The following RAD51B variants were observed in gnomAD, a reference collection of about 807,000 sequenced individuals.
RAD51B encodes the protein RAD51 paralog B.
In RAD51B, 38 loss-of-function variants were observed where a neutral mutation model predicts 42.2. The observed-to-expected ratio is 0.90, with a 90% CI of 0.70 to 1.18. The LOEUF is 1.18. Among genes scored for constraint, RAD51B ranks in the 50% most tolerant of loss-of-function variants. The pLI, the probability that RAD51B is intolerant of heterozygous loss-of-function variation, is 0.00. For synonymous variants in RAD51B, 154 were observed against 145.2 expected (o/e 1.06, Z -0.43); for missense variants, 373 against 400.7 (o/e 0.93, Z 0.59).
chr14:67,835,565 A>G (rs1322967164), intron 4 of RAD51B, among the ~76,000 whole-genome samples: 2 of 138,102 alleles, frequency 1.4e-5, no homozygotes, highest in African/African-American at 2.6e-5. Flanking sequence ...TATGTAATAT[A>G]TACACATATG....
chr14:68,570,779 G>A (rs887156608), intron 10 of RAD51B, among the ~76,000 whole-genome samples: 15 of 152,106 alleles, frequency 9.9e-5, no homozygotes, highest in South Asian at 2.1e-4. Flanking sequence ...TAATATGTGC[G>A]TATATGAAAC....
intron 7 of RAD51B, among the ~76,000 whole-genome samples, chr14:68,075,939 G>A (rs1471546813): frequency 6.6e-6 from 1 of 152,232 alleles, no homozygotes; most frequent in Admixed American, 6.5e-5. Flanking sequence ...TCTCTGGGAT[G>A]TCCTCTCCTG....
At chr14:68,531,261 C>T (rs186920715) in intron 10 of RAD51B, among the ~76,000 whole-genome samples, 34 of 151,830 alleles carry the variant, frequency 2.2e-4, no homozygotes, top group Admixed American at 1.7e-3. Context: ...AGAAGTAAGT[C>T]AAATATGATG....
chr14:67,885,818 G>A (rs1290137971), intron 5 of RAD51B, 51 bp from the exon 6 acceptor site: 1 of 1,545,612 alleles, frequency 6.5e-7, no homozygotes, highest in Non-Finnish European at 8.8e-7. Flanking sequence ...CAGCAATGTG[G>A]CTTTAAGTAG....
At chr14:68,092,849 C>T (rs2140523001) in intron 7 of RAD51B, among the ~76,000 whole-genome samples, 1 of 151,908 alleles carries the variant, frequency 6.6e-6, no homozygotes, top group South Asian at 2.1e-4. Flanking sequence ...TCATAGATAG[C>T]TCTTATTATT....
chr14:68,096,682 A>T (rs1397810140), intron 7 of RAD51B, among the ~76,000 whole-genome samples: 1 of 152,208 alleles, frequency 6.6e-6, no homozygotes, highest in East Asian at 1.9e-4. Context: ...ACAACGATTC[A>T]TGTTTTTAAA....
chr14:68,317,775 G>A (rs2082089172), intron 8 of RAD51B, among the ~76,000 whole-genome samples: 1 of 152,204 alleles, frequency 6.6e-6, no homozygotes, highest in Non-Finnish European at 1.5e-5. Context: ...AATTGAGATA[G>A]GCTTTTGCCC....
At chr14:68,193,592 C>G (rs1595534092) in intron 7 of RAD51B, among the ~76,000 whole-genome samples, 1 of 152,250 alleles carries the variant, frequency 6.6e-6, no homozygotes, top group Non-Finnish European at 1.5e-5. Flanking sequence ...TTAAAGTAGT[C>G]AGTATTGTTC....
chr14:68,270,315 A>T (rs1056773248), intron 7 of RAD51B, among the ~76,000 whole-genome samples: 10 of 152,252 alleles, frequency 6.6e-5, no homozygotes, highest in African/African-American at 9.6e-5. Flanking sequence ...ACCAAAATTC[A>T]GTGTCTAGCC....
chr14:67,840,281 C>G (rs918236650), intron 4 of RAD51B, among the ~76,000 whole-genome samples: 8 of 152,114 alleles, frequency 5.3e-5, no homozygotes, highest in African/African-American at 1.9e-4. Flanking sequence ...TTTCCCTGCT[C>G]CCTTCTTCCT....
intron 7 of RAD51B, among the ~76,000 whole-genome samples, chr14:67,969,030 G>A (rs775196870): frequency 2.0e-5 from 3 of 152,148 alleles, no homozygotes; most frequent in Non-Finnish European, 4.4e-5. Flanking sequence ...AAAAAAATGA[G>A]AGGATGCAAA....
intron 10 of RAD51B, among the ~76,000 whole-genome samples, chr14:68,520,010 G>A (rs1886459706): frequency 6.6e-6 from 1 of 152,230 alleles, no homozygotes; most frequent in South Asian, 2.1e-4. Flanking sequence ...ACCTGCCTGA[G>A]GGAGTGGTTT....
At chr14:68,542,478 A>T (rs1888019941) in intron 10 of RAD51B, among the ~76,000 whole-genome samples, 1 of 152,124 alleles carries the variant, frequency 6.6e-6, no homozygotes. Context: ...CCATAATCCA[A>T]TGAGTCAGGA....
rs2045422349 is a variant in RAD51B, at chr14:67,947,110, CT to C, written c.756+59908del. ...AACATGTCTAGTGCTGTGCCCTGAA[CT>C]TAACACGTGCTTATTAAATATTAAC... On this transcript the variant is annotated intron_variant, in intron 7 of 10. Coordinates refer to ENST00000471583, the MANE Select transcript of RAD51B (RefSeq NM_133510.4). Among the ~76,000 whole-genome samples the C allele has an allele frequency of 3.3e-5, 5 of 152,256 alleles. No individual in the cohort carries two copies. In the South Asian group the frequency reaches 1.0e-3, roughly 32 times the overall value.
intron 10 of RAD51B, among the ~76,000 whole-genome samples, chr14:68,517,342 C>G (rs1886234195): frequency 6.6e-6 from 1 of 152,068 alleles, no homozygotes; most frequent in Non-Finnish European, 1.5e-5. Context: ...TTTTTACTGT[C>G]TAATTTAGGA....
intron 7 of RAD51B, among the ~76,000 whole-genome samples, chr14:67,981,815 G>GA (rs2075098210): frequency 6.6e-6 from 1 of 152,152 alleles, no homozygotes; most frequent in African/African-American, 2.4e-5. Flanking sequence ...TAGAGGAGGA[G>GA]AAAGGAATTA....
rs970376371 is a variant in RAD51B, at chr14:68,641,989, T to C, written c.1037-8792T>C. 2.0e-5 allele frequency among the ~76,000 whole-genome samples: 3 copies of C among 152,262 alleles called. No individual in the cohort carries two copies. In the South Asian group the frequency reaches 6.2e-4, roughly 32 times the overall value. On this transcript the variant is annotated intron_variant, in intron 10 of 11. Coordinates refer to the RAD51B transcript ENST00000488612. ...AGTGTATACTTCTTTTTATACATTG[T>C]TGGATTGAATTTGCTAATATTTTGT...
chr14:67,890,605 T>G (rs1364522295), intron 7 of RAD51B, among the ~76,000 whole-genome samples: 1 of 116,272 alleles, frequency 8.6e-6, no homozygotes. Flanking sequence ...GTGCTATCCC[T>G]CCCCCCTCCC....
At chr14:67,918,389 C>T (rs1294208082) in intron 7 of RAD51B, among the ~76,000 whole-genome samples, 1 of 152,140 alleles carries the variant, frequency 6.6e-6, no homozygotes, top group Non-Finnish European at 1.5e-5. Context: ...CATGCACCAT[C>T]ACACCCGGCT....
Sources: gnomAD v4.1 joint callset for allele counts (sites outside exome capture counted in the v4.1 genomes callset) on GRCh38, gnomAD v4.1.1 for gene constraint, MANE v1.5 for transcripts, NCBI Gene and HGNC (gene_info 2026-07-23, HGNC 2026-07-21) for gene names.